The following SCARA5 variants were observed in gnomAD, a reference collection of about 807,000 sequenced individuals.
The protein encoded by SCARA5 is scavenger receptor class A member 5.
SCARA5 carries 45 observed loss-of-function variants against 46.3 expected under a neutral mutation model. That is an observed-to-expected ratio of 0.97 (90% CI 0.76 to 1.24). SCARA5 has a LOEUF of 1.24. SCARA5 is among the 50% of genes most tolerant of loss of function. The pLI, the probability that SCARA5 is intolerant of heterozygous loss-of-function variation, is 0.00. For synonymous variants in SCARA5, 333 were observed against 306.5 expected (o/e 1.09, Z -0.90); for missense variants, 680 against 689.0 (o/e 0.99, Z 0.15).
chr8:27,915,561 C>T (rs1807447625), intron 4 of SCARA5, among the ~76,000 whole-genome samples: 1 of 152,252 alleles, frequency 6.6e-6, no homozygotes. Context: ...CAGCATTAGC[C>T]TGGAATCCAA....
chr8:27,871,647 G>T lies in SCARA5; in HGVS notation c.*287C>A. On this transcript the variant is annotated 3_prime_UTR_variant, in exon 9 of 9. Coordinates refer to ENST00000354914, the MANE Select transcript of SCARA5 (RefSeq NM_173833.6). ...CTGGGATATTGAGGCCTGGTGCATG[G>T]TGTTCAGAGGCTGGGCAAAGTGGTG... The T allele has an allele frequency of 7.6e-7, 1 of 1,311,036 alleles. No individual in the cohort carries two copies. Among genetic ancestry groups the T allele is most frequent in the Non-Finnish European group, 9.8e-7 (1 of 1,024,574 alleles). 81.2% of individuals were successfully genotyped at this position (1,311,036 alleles called of 1,614,324 possible). A position where few individuals can be genotyped will look rare whatever the true frequency, so the allele number is the denominator to read the frequency against.
intron 4 of SCARA5, chr8:27,910,052 A>G (rs1807347558): frequency 3.8e-6 from 1 of 261,336 alleles, no homozygotes; most frequent in Non-Finnish European, 7.1e-6. Flanking sequence ...CCTAATCCCC[A>G]ATGTGACAGT....
At chr8:27,908,589 A>G (rs1807311777) in intron 5 of SCARA5, among the ~76,000 whole-genome samples, 1 of 152,214 alleles carries the variant, frequency 6.6e-6, no homozygotes, top group Non-Finnish European at 1.5e-5. Context: ...TGGCTGGAAG[A>G]AGACAGGTTT....
At chr8:27,955,469 C>CA (rs1251027925) in intron 3 of SCARA5, among the ~76,000 whole-genome samples, 2 of 152,224 alleles carry the variant, frequency 1.3e-5, no homozygotes, top group Non-Finnish European at 2.9e-5. Flanking sequence ...GAAGGCCACA[C>CA]AGGCAAAGGA....
intron 3 of SCARA5, among the ~76,000 whole-genome samples, chr8:27,955,001 A>G (rs941770040): frequency 6.6e-6 from 1 of 152,176 alleles, no homozygotes; most frequent in Non-Finnish European, 1.5e-5. Flanking sequence ...GAAGCACTCC[A>G]TCCAGCGGAA....
chr8:27,901,782 A>G (rs1807158380), intron 7 of SCARA5, among the ~76,000 whole-genome samples: 1 of 151,934 alleles, frequency 6.6e-6, no homozygotes, highest in South Asian at 2.1e-4. Flanking sequence ...TACCAGTGAA[A>G]GAGGGGATTA....
intron 3 of SCARA5, among the ~76,000 whole-genome samples, chr8:27,964,242 G>A (rs981714760): frequency 6.6e-6 from 1 of 152,142 alleles, no homozygotes; most frequent in Admixed American, 6.5e-5. Flanking sequence ...AGGCCAGCAT[G>A]ATTCTCCAGA....
intron 2 of SCARA5, among the ~76,000 whole-genome samples, chr8:27,978,266 G>C (rs540855117): frequency 6.6e-6 from 1 of 151,204 alleles, no homozygotes; most frequent in South Asian, 2.1e-4. Context: ...CCTGACCTCA[G>C]GTGATCTGCC....
chr8:27,874,964 C>A (rs1287313771), intron 8 of SCARA5, among the ~76,000 whole-genome samples: 1 of 152,222 alleles, frequency 6.6e-6, no homozygotes, highest in Non-Finnish European at 1.5e-5. Flanking sequence ...AAGGCCCTCC[C>A]ATTTGGGTCT....
At chr8:27,939,274 C>T (rs13257707) in intron 3 of SCARA5, among the ~76,000 whole-genome samples, 27,785 of 152,116 alleles carry the variant, frequency 0.18, 3,348 homozygotes, top group Middle Eastern at 0.31. Flanking sequence ...GGCTGGGCCC[C>T]GTGGTCAGGG....
chr8:27,938,213 C>T (rs1048627424), intron 3 of SCARA5, among the ~76,000 whole-genome samples: 7 of 152,238 alleles, frequency 4.6e-5, no homozygotes, highest in Non-Finnish European at 8.8e-5. Flanking sequence ...CCTTGGCTAA[C>T]ACACGTGCAG....
chr8:27,920,631 A>ACAAAC (rs1453721144), intron 4 of SCARA5, among the ~76,000 whole-genome samples: 104 of 147,144 alleles, frequency 7.1e-4, no homozygotes, highest in Middle Eastern at 3.5e-3. Context: ...AAAAACCAAA[A>ACAAAC]CAAAACAAAA....
intron 4 of SCARA5, among the ~76,000 whole-genome samples, chr8:27,912,374 G>A (rs2726998): frequency 0.55 from 83,579 of 151,994 alleles, 23,783 homozygotes; most frequent in Non-Finnish European, 0.63. Context: ...TCCATGGCAC[G>A]CACGCAGGGA....
chr8:27,889,086 TG>T (rs1806941586), intron 7 of SCARA5, among the ~76,000 whole-genome samples: 1 of 69,538 alleles, frequency 1.4e-5, no homozygotes, highest in African/African-American at 5.3e-5. Context: ...ACCAACCCCA[TG>T]GTCCTCAGCC....
rs542313810 is a variant in SCARA5 at position 27,877,728 on chromosome 8, T to C, written c.1351+1841A>G. Reference sequence around the variant, plus strand: ...AGCCTTAGGTGGGAGAACAGTATTCTTTCCTGGTAGGCTGCCCTTCATGGT... The same window carrying C: ...AGCCTTAGGTGGGAGAACAGTATTCCTTCCTGGTAGGCTGCCCTTCATGGT... On this transcript the variant is annotated intron_variant, in intron 8 of 8. Coordinates refer to ENST00000354914, the MANE Select transcript of SCARA5 (RefSeq NM_173833.6). 2.7e-4 allele frequency among the ~76,000 whole-genome samples: 41 copies of C among 152,302 alleles called. 1 individual carries two copies. The highest frequency in any genetic ancestry group is 3.4e-4 in the Non-Finnish European group (23 of 68,022).
intron 7 of SCARA5, among the ~76,000 whole-genome samples, chr8:27,886,478 A>G (rs1338311734): frequency 6.6e-6 from 1 of 152,194 alleles, no homozygotes; most frequent in Non-Finnish European, 1.5e-5. Context: ...CTGAGGTCTG[A>G]CTTGCTTATG....
chr8:27,987,924 A>G (rs1808728930), intron 1 of SCARA5, among the ~76,000 whole-genome samples: 1 of 152,160 alleles, frequency 6.6e-6, no homozygotes, highest in Non-Finnish European at 1.5e-5. Flanking sequence ...GTGGGGCTGG[A>G]ATCCTGAGCT....
chr8:27,991,504 G>A (rs1462839262), intron 1 of SCARA5, among the ~76,000 whole-genome samples: 1 of 152,180 alleles, frequency 6.6e-6, no homozygotes, highest in East Asian at 1.9e-4. Flanking sequence ...TCCTTCTCTG[G>A]AGATCAGAAG....
intron 7 of SCARA5, among the ~76,000 whole-genome samples, chr8:27,886,728 G>T (rs1009364592): frequency 1.3e-5 from 2 of 152,184 alleles, no homozygotes; most frequent in Admixed American, 6.5e-5. Flanking sequence ...TGGGCAGAGG[G>T]TTTAAATGCT....
Sources: gnomAD v4.1 joint callset for allele counts (sites outside exome capture counted in the v4.1 genomes callset) on GRCh38, gnomAD v4.1.1 for gene constraint, MANE v1.5 for transcripts, NCBI Gene and HGNC (gene_info 2026-07-23, HGNC 2026-07-21) for gene names.